RANBP17: variants seen among roughly 807,000 people sequenced by gnomAD.
RANBP17 encodes the protein ran-binding protein 17.
RANBP17 carries 158 observed loss-of-function variants against 141.2 expected under a neutral mutation model. That is an observed-to-expected ratio of 1.12 (90% CI 0.98 to 1.28). RANBP17 has a LOEUF of 1.28. Among genes scored for constraint, RANBP17 ranks in the 50% most tolerant of loss-of-function variants. RANBP17 has a pLI of 0.00. For missense variants in RANBP17, 1,438 were observed against 1,290.7 expected (o/e 1.11, Z -1.75); for synonymous variants, 430 against 450.0 (o/e 0.96, Z 0.56).
At chr5:170,867,989 C>T (rs1767413021) in intron 1 of RANBP17, among the ~76,000 whole-genome samples, 1 of 152,176 alleles carries the variant, frequency 6.6e-6, no homozygotes, top group Non-Finnish European at 1.5e-5. Flanking sequence ...ACAATATACA[C>T]TCTCCAGCAT....
At chr5:170,954,935 C>T (rs1225966865) in intron 13 of RANBP17, among the ~76,000 whole-genome samples, 1 of 152,152 alleles carries the variant, frequency 6.6e-6, no homozygotes, top group East Asian at 1.9e-4. Flanking sequence ...AGGTGAGCTG[C>T]AGGTGAGCAA....
rs187606310 is a variant in RANBP17, at chr5:171,054,925, C to T, written c.1710+86548C>T. Among the ~76,000 whole-genome samples, 208 of 152,154 alleles carry T rather than the reference C, an allele frequency of 1.4e-3. 1 individual carries two copies. The highest frequency in any genetic ancestry group is 4.7e-3 in the African/African-American group (194 of 41,504). ...GTCTCTTGTATTCAGGGTGGAGAGG[C>T]GCACATTTAGAAAGCATCCATATGC... On this transcript the variant is annotated intron_variant, in intron 14 of 27. Coordinates refer to ENST00000523189, the MANE Select transcript of RANBP17 (RefSeq NM_022897.5).
rs199914948 is a variant in RANBP17, at chr5:171,091,357, C to T, written c.1711-78773C>T. 1.1e-4 allele frequency among the ~76,000 whole-genome samples: 12 copies of T among 105,074 alleles called. No homozygotes were observed. In the South Asian group the frequency reaches 2.7e-3, roughly 24 times the overall value. The allele number at this position is 105,074 out of a possible 152,430, so 68.9% of individuals were successfully genotyped here. A position where few individuals can be genotyped will look rare whatever the true frequency, so the allele number is the denominator to read the frequency against. On this transcript the variant is annotated intron_variant, in intron 14 of 27. Transcript: ENST00000523189. ...TTTGTCCAGTTTCCCCCATTTGGAA[C>T]GGCTGTATTTATCCAATGCCTGTAC...
rs765320617 is a variant in RANBP17, at chr5:171,050,250, T to C, written c.1710+81873T>C. Among the ~76,000 whole-genome samples, 149 of 152,310 alleles carry C rather than the reference T, an allele frequency of 9.8e-4. 1 individual carries two copies. Among genetic ancestry groups the C allele is most frequent in the Non-Finnish European group, 2.9e-4 (20 of 68,032 alleles). On this transcript the variant is annotated intron_variant, in intron 14 of 27. Coordinates refer to ENST00000523189, the MANE Select transcript of RANBP17 (RefSeq NM_022897.5). ...TATAAACTATAAACTACTATTAGTA[T>C]CTTCAAATGGATTTTTCATGATTGT...
rs375036150 is a variant in RANBP17 at position 171,107,643 on chromosome 5, TCTTAA to T, written c.1711-62483_1711-62479del. ...AACACCCATCATGACTCTAGTCTCT[TCTTAA>T]CTTTCCTGGGTGTTGTTAATTCATA... On this transcript the variant is annotated intron_variant, in intron 14 of 27. Coordinates refer to ENST00000523189, the MANE Select transcript of RANBP17 (RefSeq NM_022897.5). 1.6e-3 allele frequency among the ~76,000 whole-genome samples: 245 copies of T among 152,316 alleles called. 4 individuals carry two copies. In the South Asian group the frequency reaches 0.025, roughly 16 times the overall value.
chr5:170,930,558 C>T lies in RANBP17; in HGVS notation c.1468+6008C>T, dbSNP rs372843072. On this transcript the variant is annotated intron_variant, in intron 12 of 27. Transcript: ENST00000523189. ...TATATCTCCTAATGCTATCCCTCCC[C>T]GCTCCCCCCACTCCCCGGCAGGCCC... Among the ~76,000 whole-genome samples the T allele has an allele frequency of 3.9e-5, 6 of 152,072 alleles. No homozygotes were observed. The East Asian group carries it at 5.8e-4, about 15-fold the overall frequency.
At chr5:171,169,114 G>A (rs1004551643) in intron 14 of RANBP17, among the ~76,000 whole-genome samples, 3 of 152,090 alleles carry the variant, frequency 2.0e-5, no homozygotes, top group African/African-American at 4.8e-5. Flanking sequence ...CTATACCTCT[G>A]GGTGATTTGT....
rs1174780133 is a variant in RANBP17 at position 171,251,750 on chromosome 5, C to A, written c.2776+8930C>A. 7.2e-6 allele frequency: 6 copies of A among 837,898 alleles called. No individual in the cohort carries two copies. In the Admixed American group the frequency reaches 8.0e-5, roughly 11 times the overall value. The allele number at this position is 837,898 out of a possible 1,614,324, so 51.9% of individuals were successfully genotyped here. On this transcript the variant is annotated intron_variant, in intron 24 of 27. Transcript: ENST00000523189. The stretch of plus-strand genomic sequence containing the variant: ...GGGCTGCGGTGCGAGCAGGTGGCCC[C>A]GTTCCCCTCCTCCCGCGCCCGCCCC...
At chr5:171,214,291 A>G (rs1371678282) in intron 21 of RANBP17, among the ~76,000 whole-genome samples, 3 of 152,216 alleles carry the variant, frequency 2.0e-5, no homozygotes, top group Non-Finnish European at 4.4e-5. Flanking sequence ...TGAGAGAGCA[A>G]CTATAATACT....
Position 171,057,743 on chromosome 5 carries a change from CCTT to C in RANBP17, c.1710+89371_1710+89373del, listed in dbSNP as rs70982320. ...ATAGCAGAAAGGAAAAGAGAAGGCA[CCTT>C]CTTCATAGGGTAGCATGATGGAGGG... is the stretch of plus-strand genomic sequence containing the variant. On this transcript the variant is annotated intron_variant, in intron 14 of 27. Coordinates refer to ENST00000523189, the MANE Select transcript of RANBP17 (RefSeq NM_022897.5). Among the ~76,000 whole-genome samples, 1,202 of 152,210 alleles carry C rather than the reference CCTT, an allele frequency of 7.9e-3. 22 individuals carry two copies. Among genetic ancestry groups the C allele is most frequent in the South Asian group, 0.07 (335 of 4,814 alleles).
intron 24 of RANBP17, among the ~76,000 whole-genome samples, chr5:171,244,332 C>T (rs1354236581): frequency 7.9e-5 from 12 of 151,748 alleles, no homozygotes; most frequent in Admixed American, 6.6e-4. Context: ...AAGCCAAGAT[C>T]GCACCACTGC....
chr5:171,049,802 C>T (rs2127650047), intron 14 of RANBP17, among the ~76,000 whole-genome samples: 1 of 152,226 alleles, frequency 6.6e-6, no homozygotes, highest in South Asian at 2.1e-4. Flanking sequence ...TATTTCTGCA[C>T]ACTCTTTTTT....
intron 11 of RANBP17, among the ~76,000 whole-genome samples, chr5:170,921,431 T>G (rs1772453397): frequency 6.6e-6 from 1 of 151,988 alleles, no homozygotes; most frequent in Admixed American, 6.6e-5. Flanking sequence ...GCCTCTGTTC[T>G]GTTCCATTGG....
intron 13 of RANBP17, among the ~76,000 whole-genome samples, chr5:170,963,659 C>G (rs1037305103): frequency 1.3e-5 from 2 of 152,170 alleles, no homozygotes; most frequent in African/African-American, 2.4e-5. Context: ...AGGGTTTGCA[C>G]TCCTGTGAGA....
At position 170,924,325 on chromosome 5, in the gene RANBP17, ATGT is replaced by A. The variant is rs752295252; in HGVS notation, c.1275-28_1275-26del. 1.3e-5 allele frequency: 18 copies of A among 1,434,248 alleles called. No individual in the cohort carries two copies. The East Asian group carries it at 3.0e-4, about 24-fold the overall frequency. The allele number at this position is 1,434,248 out of a possible 1,614,324, so 88.8% of individuals were successfully genotyped here. A position where few individuals can be genotyped will look rare whatever the true frequency, so the allele number is the denominator to read the frequency against. ...GTGAATAAAAGTGCTTCACATTCTAATGTTGTCTGCAAACTTATTCTGTGTTTG... is the reference window on the plus strand; with the variant it reads ...GTGAATAAAAGTGCTTCACATTCTAATGTCTGCAAACTTATTCTGTGTTTG... On this transcript the variant is annotated intron_variant, in intron 11 of 27. Transcript: ENST00000523189.
intron 14 of RANBP17, among the ~76,000 whole-genome samples, chr5:171,091,109 G>A (rs545518167): frequency 1.3e-5 from 2 of 152,302 alleles, no homozygotes; most frequent in Non-Finnish European, 2.9e-5. Flanking sequence ...CTGTGCATCT[G>A]GAAAATCTGC....
At chr5:170,888,737 C>T in intron 3 of RANBP17, among the ~76,000 whole-genome samples, 1 of 152,078 alleles carries the variant, frequency 6.6e-6, no homozygotes, top group Non-Finnish European at 1.5e-5. Flanking sequence ...TATTATGTTG[C>T]AAAGCAGTGG....
At chr5:171,131,793 C>T (rs1227435192) in intron 14 of RANBP17, among the ~76,000 whole-genome samples, 1 of 152,176 alleles carries the variant, frequency 6.6e-6, no homozygotes, top group Admixed American at 6.5e-5. Context: ...ATGCTGTCAC[C>T]TGCACTGTCA....
At chr5:170,899,025 A>C (rs967068040) in intron 5 of RANBP17, among the ~76,000 whole-genome samples, 1 of 152,116 alleles carries the variant, frequency 6.6e-6, no homozygotes, top group Non-Finnish European at 1.5e-5. Flanking sequence ...TTCCATATGA[A>C]ATTTAAAGTA....
Sources: allele counts gnomAD v4.1 joint callset (sites outside exome capture counted in the v4.1 genomes callset), GRCh38; gene constraint gnomAD v4.1.1; transcripts MANE v1.5; gene names NCBI Gene and HGNC (gene_info 2026-07-23, HGNC 2026-07-21).